The following ROCK1 variants were observed in gnomAD, a reference collection of about 807,000 sequenced individuals.
The protein encoded by ROCK1 is Rho associated coiled-coil containing protein kinase 1.
A neutral mutation model predicts 196.8 loss-of-function variants in ROCK1; 36 were observed. The observed-to-expected ratio is 0.18, with a 90% CI of 0.14 to 0.24. ROCK1 has a LOEUF of 0.24. Among genes scored for constraint, ROCK1 ranks in the 10% least tolerant of loss-of-function variants. ROCK1 has a pLI of 1.00. For missense variants in ROCK1, 920 were observed against 1,562.0 expected (o/e 0.59, Z 6.93); for synonymous variants, 443 against 515.9 (o/e 0.86, Z 1.91).
intron 16 of ROCK1, among the ~76,000 whole-genome samples, chr18:21,002,700 A>G (rs1023553551): frequency 1.3e-5 from 2 of 152,114 alleles, no homozygotes; most frequent in African/African-American, 4.8e-5. Context: ...GGCTACTAAC[A>G]CCACAAAAAG....
chr18:21,043,845 T>C (rs116444575), intron 6 of ROCK1, among the ~76,000 whole-genome samples: 3,422 of 151,944 alleles, frequency 0.023, 137 homozygotes, highest in African/African-American at 0.079. Context: ...TATATTAGAG[T>C]TGTTATGAAG....
intron 12 of ROCK1, among the ~76,000 whole-genome samples, chr18:21,019,919 G>T (rs1273598367): frequency 7.2e-6 from 1 of 138,232 alleles, no homozygotes; most frequent in Non-Finnish European, 1.6e-5. Flanking sequence ...AAAGAATACA[G>T]ACTGCCAGGA....
intron 1 of ROCK1, among the ~76,000 whole-genome samples, chr18:21,094,570 T>C (rs2036596773): frequency 1.4e-5 from 1 of 72,474 alleles, no homozygotes; most frequent in African/African-American, 5.0e-5. Context: ...AAACCCTGTC[T>C]CTACAAAAAA....
chr18:20,960,117 A>G lies in ROCK1; in HGVS notation c.3423+19T>C. ...TATAGAACAAAATACCAGTTAGAAA[A>G]TAATTAGGTATATGGTACCTGTTTC... On this transcript the variant is annotated intron_variant, in intron 28 of 32. Transcript: ENST00000399799. The G allele has an allele frequency of 6.7e-7, 1 of 1,502,428 alleles. No homozygotes were observed. Among genetic ancestry groups the G allele is most frequent in the Non-Finnish European group, 9.3e-7 (1 of 1,080,930 alleles). 93.1% of individuals were successfully genotyped at this position (1,502,428 alleles called of 1,614,324 possible). A position where few individuals can be genotyped will look rare whatever the true frequency, so the allele number is the denominator to read the frequency against.
intron 13 of ROCK1, among the ~76,000 whole-genome samples, chr18:21,014,020 C>T (rs1426085358): frequency 1.4e-5 from 2 of 147,808 alleles, no homozygotes; most frequent in Admixed American, 6.8e-5. Context: ...GAGCAGAGAT[C>T]GCGCCACTGC....
intron 19 of ROCK1, among the ~76,000 whole-genome samples, chr18:20,984,956 A>C (rs564317561): frequency 6.6e-6 from 1 of 152,142 alleles, no homozygotes; most frequent in Non-Finnish European, 1.5e-5. Context: ...CTACAAAAAA[A>C]TACAAAAATT....
intron 1 of ROCK1, among the ~76,000 whole-genome samples, chr18:21,076,407 G>A (rs1284104200): frequency 1.3e-5 from 2 of 152,132 alleles, no homozygotes; most frequent in Admixed American, 1.3e-4. Flanking sequence ...AGAAGGCTGA[G>A]GCAGGAGAAT....
At chr18:20,992,501 T>A (rs575396704) in intron 17 of ROCK1, among the ~76,000 whole-genome samples, 2 of 152,314 alleles carry the variant, frequency 1.3e-5, no homozygotes, top group Admixed American at 1.3e-4. Context: ...TCCTTCTTCA[T>A]AAGCCCTCAC....
chr18:21,006,877 C>T, intron 14 of ROCK1, 87 bp from the exon 15 acceptor site: 1 of 971,900 alleles, frequency 1.0e-6, no homozygotes, highest in Non-Finnish European at 1.5e-6. Context: ...GACATTTAGT[C>T]TTAGGCCATA....
intron 4 of ROCK1, among the ~76,000 whole-genome samples, chr18:21,048,118 CCAAT>C (rs976905525): frequency 2.0e-5 from 3 of 152,126 alleles, no homozygotes; most frequent in Non-Finnish European, 2.9e-5. Context: ...TTGAACATAA[CCAAT>C]CAAAGACAAC....
chr18:21,040,714 T>A (rs2036098239), intron 8 of ROCK1, among the ~76,000 whole-genome samples: 1 of 152,176 alleles, frequency 6.6e-6, no homozygotes, highest in Non-Finnish European at 1.5e-5. Flanking sequence ...AATGTCTGAT[T>A]TGCTTATCTA....
intron 1 of ROCK1, among the ~76,000 whole-genome samples, chr18:21,109,409 A>C (rs993279929): frequency 2.0e-5 from 3 of 152,358 alleles, no homozygotes; most frequent in African/African-American, 7.2e-5. Flanking sequence ...GAAAAGCAAA[A>C]TAAAATCAAA....
At chr18:21,026,445 G>GAAAAAAA (rs747563785) in intron 10 of ROCK1, among the ~76,000 whole-genome samples, 2 of 35,312 alleles carry the variant, frequency 5.7e-5, no homozygotes, top group East Asian at 7.1e-4. Flanking sequence ...ACTCTGTCTC[G>GAAAAAAA]AAAAAAAAAA....
intron 1 of ROCK1, among the ~76,000 whole-genome samples, chr18:21,107,677 A>C (rs751802503): frequency 1.3e-5 from 2 of 152,248 alleles, no homozygotes; most frequent in Admixed American, 6.5e-5. Flanking sequence ...ACGAATGCTC[A>C]ATGTTAAACA....
chr18:21,032,779 C>T (rs188253393), intron 9 of ROCK1, among the ~76,000 whole-genome samples: 1,839 of 151,556 alleles, frequency 0.012, 25 homozygotes, highest in Middle Eastern at 0.038. Flanking sequence ...GCCTTGGCCT[C>T]CCAAAGTGTT....
intron 2 of ROCK1, among the ~76,000 whole-genome samples, chr18:21,058,637 G>C (rs576750999): frequency 1.3e-5 from 2 of 152,130 alleles, no homozygotes; most frequent in South Asian, 4.1e-4. Flanking sequence ...GTCTCACGCT[G>C]TCATGCAATC....
At chr18:21,065,687 ATCTC>A (rs2036328642) in intron 2 of ROCK1, among the ~76,000 whole-genome samples, 1 of 152,144 alleles carries the variant, frequency 6.6e-6, no homozygotes, top group South Asian at 2.1e-4. Flanking sequence ...TCTTGGTATC[ATCTC>A]TCTAACTCCT....
chr18:21,036,476 G>A (rs1193602228), intron 9 of ROCK1, among the ~76,000 whole-genome samples: 4 of 152,092 alleles, frequency 2.6e-5, no homozygotes, highest in Non-Finnish European at 5.9e-5. Context: ...AACAGTTATT[G>A]TTCTGTTGCC....
At chr18:21,034,898 T>A (rs141638722) in intron 9 of ROCK1, among the ~76,000 whole-genome samples, 96 of 152,286 alleles carry the variant, frequency 6.3e-4, no homozygotes, top group African/African-American at 2.1e-3. Context: ...ATATCCAAAA[T>A]TTTTAAAGAA....
Sources: gnomAD v4.1 joint callset for allele counts (sites outside exome capture counted in the v4.1 genomes callset) on GRCh38, gnomAD v4.1.1 for gene constraint, MANE v1.5 for transcripts, NCBI Gene and HGNC (gene_info 2026-07-23, HGNC 2026-07-21) for gene names.